Variants in SYNJ1 observed in about 807,000 individuals in gnomAD.
SYNJ1 encodes the protein synaptojanin 1.
In SYNJ1, 78 loss-of-function variants were observed where a neutral mutation model predicts 168.2. That is an observed-to-expected ratio of 0.46 (90% CI 0.39 to 0.56). SYNJ1 has a LOEUF of 0.56. Ranked by LOEUF, SYNJ1 falls within the 20% of genes least tolerant of loss-of-function variation. The pLI, the probability that SYNJ1 is intolerant of heterozygous loss-of-function variation, is 0.00. For missense variants in SYNJ1, 1,303 were observed against 1,597.6 expected, an observed-to-expected ratio of 0.82 and a Z score of 3.14; for synonymous variants, 539 against 548.6, an observed-to-expected ratio of 0.98 and a Z score of 0.24.
intron 23 of SYNJ1, among the ~76,000 whole-genome samples, chr21:32,648,313 C>T (rs2040149096): frequency 6.6e-6 from 1 of 152,200 alleles, no homozygotes; most frequent in Non-Finnish European, 1.5e-5. Flanking sequence ...TGTCTACAGA[C>T]ACTTTTCTCC....
In SYNJ1 at chr21:32,696,910, C is replaced by A. The variant is rs375470416; in HGVS notation, c.480-1628G>T. Among the ~76,000 whole-genome samples the A allele has an allele frequency of 7.2e-5, 11 of 152,320 alleles. 1 individual carries two copies. The highest frequency in any genetic ancestry group is 2.6e-4 in the African/African-American group (11 of 41,568). ...ATGACCATTACTTATTTTAAAAATACACTGACTTAAACTTCCATACTTTAC... is the reference window on the plus strand; with the variant it reads ...ATGACCATTACTTATTTTAAAAATAAACTGACTTAAACTTCCATACTTTAC... On this transcript the variant is annotated intron_variant, in intron 4 of 32. Transcript: ENST00000674351.
chr21:32,713,985 A>G (rs536392426), intron 2 of SYNJ1, among the ~76,000 whole-genome samples: 34 of 152,344 alleles, frequency 2.2e-4, no homozygotes, highest in African/African-American at 7.5e-4. Context: ...CTGGTATGCT[A>G]GTAATAATAT....
At chr21:32,640,678 T>C (rs1036879768) in intron 29 of SYNJ1, among the ~76,000 whole-genome samples, 8 of 151,974 alleles carry the variant, frequency 5.3e-5, no homozygotes, top group Non-Finnish European at 7.4e-5. Context: ...CTTTCCAATG[T>C]AGTCCCCTGC....
At chr21:32,722,139 C>A (rs1210742881) in intron 2 of SYNJ1, among the ~76,000 whole-genome samples, 6 of 145,444 alleles carry the variant, frequency 4.1e-5, no homozygotes, top group Non-Finnish European at 8.9e-5. Context: ...GAGCCGAGAT[C>A]GTGCCATTGC....
chr21:32,670,901 C>T, intron 14 of SYNJ1: 1 of 774,818 alleles, frequency 1.3e-6, no homozygotes, highest in Non-Finnish European at 1.6e-6. Flanking sequence ...CTCTGTCTAG[C>T]TGCTGGCACT....
At chr21:32,702,693 T>C (rs1044975022) in intron 2 of SYNJ1, among the ~76,000 whole-genome samples, 8 of 152,226 alleles carry the variant, frequency 5.3e-5, no homozygotes, top group Non-Finnish European at 7.3e-5. Flanking sequence ...CAGTCTACAG[T>C]TGATCCTTGA....
chr21:32,656,577 A>C (rs1486731306), intron 21 of SYNJ1, 110 bp downstream of exon 21: 1 of 854,082 alleles, frequency 1.2e-6, no homozygotes, highest in African/African-American at 1.7e-5. Flanking sequence ...ACACTAAATA[A>C]GGTGGTATCT....
chr21:32,690,380 A>AT (rs1261937537), intron 6 of SYNJ1, among the ~76,000 whole-genome samples: 2 of 151,940 alleles, frequency 1.3e-5, no homozygotes, highest in Non-Finnish European at 2.9e-5. Context: ...AATGATTTTT[A>AT]TTTTTTTATT....
At chr21:32,642,211 C>A in intron 27 of SYNJ1, 78 bp from the exon 28 acceptor site, 2 of 1,529,578 alleles carry the variant, frequency 1.3e-6, no homozygotes, top group South Asian at 2.3e-5. Context: ...GCTTGCTGTT[C>A]TGCTTCATTA....
At chr21:32,662,427 T>A (rs758654053) in intron 18 of SYNJ1, among the ~76,000 whole-genome samples, 3 of 152,182 alleles carry the variant, frequency 2.0e-5, no homozygotes, top group Non-Finnish European at 2.9e-5. Context: ...CGTGTTTATA[T>A]AATGACACTC....
Position 32,631,152 on chromosome 21 carries a change from C to A in SYNJ1, c.*653G>T, listed in dbSNP as rs2039306984. The A allele has an allele frequency of 6.2e-7, 1 of 1,614,164 alleles. No individual in the cohort carries two copies. Among genetic ancestry groups the A allele is most frequent in the South Asian group, 1.1e-5 (1 of 91,092 alleles). On this transcript the variant is annotated 3_prime_UTR_variant, in exon 33 of 33. Transcript: ENST00000674351. ...GAAGGAGACATTTGTACCTTTATTC[C>A]AGTCATCATTCAATGTCAGGTTGGA...
chr21:32,699,779 C>T (rs977946470), intron 4 of SYNJ1, 59 bp downstream of exon 4: 3 of 1,550,024 alleles, frequency 1.9e-6, no homozygotes, highest in Non-Finnish European at 2.6e-6. Flanking sequence ...TTTTTGATGA[C>T]TGAACAACTG....
chr21:32,656,580 TG>T, intron 21 of SYNJ1, 106 bp downstream of exon 21: 1 of 872,796 alleles, frequency 1.1e-6, no homozygotes, highest in East Asian at 2.7e-5. Flanking sequence ...CTAAATAAGG[TG>T]GTATCTTTCT....
Position 32,695,100 on chromosome 21 carries a change from G to A in SYNJ1, c.662C>T (p.Thr221Ile). 6.2e-7 allele frequency: 1 copy of A among 1,614,044 alleles called. No homozygotes were observed. Among genetic ancestry groups the A allele is most frequent in the Non-Finnish European group, 8.5e-7 (1 of 1,179,992 alleles). The stretch of plus-strand genomic sequence containing the variant: ...ATTGGCAACATGACCATCATCATTT[G>A]TTCCCCGGACATTAAACCTGGTCCC... ...RAGTRFNVRG[T>I]NDDGHVANFV... The change falls in exon 5 of 33, where the codon ACA (threonine) becomes ATA (isoleucine). Residue 221 changes from threonine (T) to isoleucine (I), a missense_variant. Physicochemically the swap from Thr to Ile is moderately conservative, Grantham distance 89 (BLOSUM62 -1). Transcript: ENST00000674351.
At position 32,685,417 on chromosome 21, in the gene SYNJ1, G is replaced by A. The variant is rs181400074; in HGVS notation, c.1118+331C>T. ...GCCAGGGCAATACAGGGAGACCCCC[G>A]TCTCTACCAAAAAAAAAAAAAAAAA... On this transcript the variant is annotated intron_variant, in intron 9 of 32. Transcript: ENST00000674351. Among the ~76,000 whole-genome samples, 59 of 112,472 alleles carry A rather than the reference G, an allele frequency of 5.2e-4. 1 individual carries two copies. In the East Asian group the frequency reaches 0.013, roughly 25 times the overall value. The allele number at this position is 112,472 out of a possible 152,430, so 73.8% of individuals were successfully genotyped here.
intron 16 of SYNJ1, 64 bp from the exon 17 acceptor site, chr21:32,666,199 T>C (rs564186962): frequency 6.5e-7 from 1 of 1,530,118 alleles, no homozygotes; most frequent in Admixed American, 2.0e-5. Context: ...GCATAGGAAA[T>C]GAGGAATATA....
chr21:32,666,749 C>T (rs746736414), intron 15 of SYNJ1, among the ~76,000 whole-genome samples, 176 bp from the exon 16 acceptor site: 41 of 152,264 alleles, frequency 2.7e-4, no homozygotes, highest in Non-Finnish European at 5.4e-4. Flanking sequence ...AAGAAAACCA[C>T]ATTTCAAAAT....
chr21:32,725,833 T>A (rs567485461), intron 2 of SYNJ1, among the ~76,000 whole-genome samples: 166 of 152,250 alleles, frequency 1.1e-3, no homozygotes, highest in African/African-American at 3.7e-3. Flanking sequence ...TATATAATCA[T>A]ATACTTTTTT....
chr21:32,681,438 C>CT, intron 11 of SYNJ1, 58 bp downstream of exon 11: 2 of 1,517,436 alleles, frequency 1.3e-6, no homozygotes, highest in Non-Finnish European at 1.8e-6. Flanking sequence ...CATTTAAAAG[C>CT]TTTATGAAGA....
Sources: allele counts gnomAD v4.1 joint callset (sites outside exome capture counted in the v4.1 genomes callset), GRCh38; gene constraint gnomAD v4.1.1; transcripts MANE v1.5; gene names NCBI Gene and HGNC (gene_info 2026-07-23, HGNC 2026-07-21).